HDAC9: variants seen among roughly 807,000 people sequenced by gnomAD.
The protein encoded by HDAC9 is histone deacetylase 9.
In HDAC9, 41 loss-of-function variants were observed where a neutral mutation model predicts 139.4. The ratio of observed to expected loss-of-function variants is 0.29; its 90% CI spans 0.23 to 0.38. The LOEUF is 0.38. HDAC9 is among the 10% of genes least tolerant of loss of function. The pLI, the probability that HDAC9 is intolerant of heterozygous loss-of-function variation, is 1.00. For synonymous variants in HDAC9, 517 were observed against 476.2 expected, an observed-to-expected ratio of 1.09 and a Z score of -1.12; for missense variants, 1,147 against 1,297.0, an observed-to-expected ratio of 0.88 and a Z score of 1.78.
intron 11 of HDAC9, among the ~76,000 whole-genome samples, chr7:18,653,720 A>G (rs1004107158): frequency 6.6e-6 from 1 of 152,174 alleles, no homozygotes; most frequent in African/African-American, 2.4e-5. Flanking sequence ...ATGTTCTGAC[A>G]AGCAAGGCAT....
At chr7:18,216,106 CTGTG>C (rs56214633) in intron 2 of HDAC9, among the ~76,000 whole-genome samples, 36,926 of 147,662 alleles carry the variant, frequency 0.25, 4,742 homozygotes, top group African/African-American at 0.33. Flanking sequence ...GCCTGCGTGT[CTGTG>C]TGTGTGTGTG....
chr7:18,368,415 A>C (rs959646677), intron 1 of HDAC9, among the ~76,000 whole-genome samples: 1 of 152,046 alleles, frequency 6.6e-6, no homozygotes, highest in Admixed American at 6.6e-5. Context: ...CACTATTGCC[A>C]TATATCAAAT....
chr7:18,782,217 G>A (rs1412190692), intron 16 of HDAC9, among the ~76,000 whole-genome samples: 1 of 152,042 alleles, frequency 6.6e-6, no homozygotes, highest in African/African-American at 2.4e-5. Context: ...AATGTTCAAG[G>A]CATCTGAGGA....
chr7:18,263,311 G>C (rs796705963), intron 2 of HDAC9, among the ~76,000 whole-genome samples: 7 of 152,184 alleles, frequency 4.6e-5, no homozygotes, highest in African/African-American at 1.7e-4. Flanking sequence ...ATATCTGCAT[G>C]ATATACCAAT....
At chr7:18,815,986 T>C (rs1272896235) in intron 17 of HDAC9, among the ~76,000 whole-genome samples, 1 of 152,234 alleles carries the variant, frequency 6.6e-6, no homozygotes, top group Admixed American at 6.5e-5. Flanking sequence ...TTTGTAAGGC[T>C]GAAGTTAGCT....
chr7:18,221,085 T>C (rs76209316), intron 2 of HDAC9, among the ~76,000 whole-genome samples: 276 of 151,942 alleles, frequency 1.8e-3, no homozygotes, highest in Non-Finnish European at 3.0e-3. Flanking sequence ...ACAATTTCTA[T>C]AATATTTTGC....
In HDAC9 at chr7:18,996,383, G is replaced by A. The variant is rs946678037; in HGVS notation, c.*321G>A. 9.9e-6 allele frequency: 2 copies of A among 201,778 alleles called. No homozygotes were observed. The highest frequency in any genetic ancestry group is 2.0e-5 in the Non-Finnish European group (2 of 99,044). 12.5% of individuals were successfully genotyped at this position (201,778 alleles called of 1,614,324 possible). A position where few individuals can be genotyped will look rare whatever the true frequency, so the allele number is the denominator to read the frequency against. ...GTTTGAACTAGAAACATTCAGTACA[G>A]CACTAGATATTGTTAATTTCAGAAG... On this transcript the variant is annotated 3_prime_UTR_variant, in exon 26 of 26. Coordinates refer to ENST00000686413, the MANE Select transcript of HDAC9 (RefSeq NM_178425.4).
chr7:18,300,343 G>T (rs189547539), intron 1 of HDAC9, among the ~76,000 whole-genome samples: 201 of 152,206 alleles, frequency 1.3e-3, no homozygotes, highest in Non-Finnish European at 2.1e-3. Context: ...AATGACAGGG[G>T]TTAAGATCCG....
chr7:18,087,603 C>T (rs1401260924), intron 1 of HDAC9, among the ~76,000 whole-genome samples: 1 of 152,140 alleles, frequency 6.6e-6, no homozygotes, highest in Non-Finnish European at 1.5e-5. Flanking sequence ...TGGGGGGTAC[C>T]TTTGATGTTT....
Position 18,712,239 on chromosome 7 carries a change from G to A in HDAC9, c.1732-15341G>A, listed in dbSNP as rs564740467. Among the ~76,000 whole-genome samples the A allele has an allele frequency of 5.3e-5, 8 of 152,158 alleles. No homozygotes were observed. In the South Asian group the frequency reaches 1.7e-3, roughly 32 times the overall value. ...TTCTGATTAAGTTAAAATCCCTAAA[G>A]ATGTTGACAAATTTTTCATTAACTG... is the stretch of plus-strand genomic sequence containing the variant. On this transcript the variant is annotated intron_variant, in intron 12 of 25. Coordinates refer to ENST00000686413, the MANE Select transcript of HDAC9 (RefSeq NM_178425.4).
intron 12 of HDAC9, among the ~76,000 whole-genome samples, chr7:18,697,219 G>A (rs922864375): frequency 2.0e-5 from 3 of 152,172 alleles, no homozygotes; most frequent in Non-Finnish European, 4.4e-5. Flanking sequence ...CCTGGCAGAT[G>A]AGATGCTCAT....
At chr7:18,200,908 G>A (rs921166067) in intron 2 of HDAC9, among the ~76,000 whole-genome samples, 2 of 152,092 alleles carry the variant, frequency 1.3e-5, no homozygotes, top group Non-Finnish European at 2.9e-5. Flanking sequence ...CTTGTGATGT[G>A]GGACTGATGT....
At chr7:18,581,652 G>A (rs1447086224) in intron 2 of HDAC9, among the ~76,000 whole-genome samples, 2 of 152,126 alleles carry the variant, frequency 1.3e-5, no homozygotes, top group Non-Finnish European at 2.9e-5. Context: ...AAAAGCTGAA[G>A]GCTATAGCTT....
chr7:18,891,373 G>C (rs961500544), intron 22 of HDAC9, among the ~76,000 whole-genome samples: 9 of 152,250 alleles, frequency 5.9e-5, no homozygotes, highest in African/African-American at 1.2e-4. Context: ...GTTCCAGGAA[G>C]GTCCTCTACT....
intron 2 of HDAC9, among the ~76,000 whole-genome samples, chr7:18,529,827 G>A (rs1159784547): frequency 6.6e-6 from 1 of 151,930 alleles, no homozygotes; most frequent in Non-Finnish European, 1.5e-5. Flanking sequence ...GATCTGATGT[G>A]GTTCATGATT....
chr7:18,688,413 A>G, intron 12 of HDAC9, among the ~76,000 whole-genome samples: 1 of 151,840 alleles, frequency 6.6e-6, no homozygotes, highest in Non-Finnish European at 1.5e-5. Context: ...TTTACAAAAG[A>G]TGATTTGCTT....
chr7:18,782,571 G>T (rs1791336897), intron 16 of HDAC9, among the ~76,000 whole-genome samples: 1 of 152,082 alleles, frequency 6.6e-6, no homozygotes, highest in Non-Finnish European at 1.5e-5. Flanking sequence ...AGTTGAACTA[G>T]ATCCATATGT....
chr7:18,571,206 CTTTATTAT>C (rs561713684), intron 2 of HDAC9, among the ~76,000 whole-genome samples: 9 of 152,172 alleles, frequency 5.9e-5, no homozygotes, highest in Non-Finnish European at 8.8e-5. Context: ...CAAAGTATAA[CTTTATTAT>C]TTTTAATTCA....
intron 2 of HDAC9, among the ~76,000 whole-genome samples, chr7:18,558,658 C>T (rs995242926): frequency 3.3e-5 from 5 of 152,174 alleles, no homozygotes; most frequent in African/African-American, 1.2e-4. Context: ...CTCTTCTACC[C>T]ATTCAAACTA....
Sources: allele counts gnomAD v4.1 joint callset (sites outside exome capture counted in the v4.1 genomes callset), GRCh38; gene constraint gnomAD v4.1.1; transcripts MANE v1.5; gene names NCBI Gene and HGNC (gene_info 2026-07-23, HGNC 2026-07-21).